SLC6A9: variants seen among roughly 807,000 people sequenced by gnomAD.
The protein encoded by SLC6A9 is solute carrier family 6 member 9.
A neutral mutation model predicts 70.9 loss-of-function variants in SLC6A9; 31 were observed. The ratio of observed to expected loss-of-function variants is 0.44; its 90% CI spans 0.33 to 0.59. The LOEUF (loss-of-function observed/expected upper bound fraction) is 0.59. Ranked by LOEUF, SLC6A9 falls within the 20% of genes least tolerant of loss-of-function variation. The probability of loss-of-function intolerance (pLI) is 0.04; values close to 1 mark genes in which losing one functional copy is unlikely to be tolerated. For missense variants in SLC6A9, 631 were observed against 845.2 expected (o/e 0.75, Z 3.14); for synonymous variants, 310 against 341.3 (o/e 0.91, Z 1.01).
At chr1:44,001,950 T>C (rs1283057380) in intron 8 of SLC6A9, among the ~76,000 whole-genome samples, 3 of 152,162 alleles carry the variant, frequency 2.0e-5, no homozygotes, top group Admixed American at 1.3e-4. Context: ...TGCCCAGGCT[T>C]GTCTTGAATT....
At position 44,008,426 on chromosome 1, in the gene SLC6A9, C is replaced by T. The variant is rs142642003; in HGVS notation, c.517G>A (p.Ala173Thr). ...SNLTNGSRPA[A>T]LPSNLSHLLN... ...AGGTGGGAGAGGTTGCTGGGCAAGG[C>T]GGCTGGCCGAGAGCCATTGGTGAGG... Residue 173 changes from alanine (A) to threonine (T), a missense_variant, in exon 5 of 14, where the codon GCC becomes ACC. By Grantham distance (58) the Ala-to-Thr change is moderately conservative. Coordinates refer to ENST00000372310, the MANE Select transcript of SLC6A9 (RefSeq NM_001024845.3). 500 of 1,614,074 alleles carry T rather than the reference C, an allele frequency of 3.1e-4. 1 individual carries two copies. In the African/African-American group the frequency reaches 3.8e-3, roughly 12 times the overall value.
chr1:44,030,098 C>T (rs1448819460), intron 1 of SLC6A9, among the ~76,000 whole-genome samples: 1 of 152,058 alleles, frequency 6.6e-6, no homozygotes, highest in Non-Finnish European at 1.5e-5. Flanking sequence ...AAAGGGGGTG[C>T]GGCTCCTTTA....
At chr1:44,025,571 A>G (rs2086967691) in intron 1 of SLC6A9, among the ~76,000 whole-genome samples, 1 of 151,864 alleles carries the variant, frequency 6.6e-6, no homozygotes, top group Admixed American at 6.6e-5. Flanking sequence ...AGGCCAAGGC[A>G]GGTGGATTAC....
intron 4 of SLC6A9, 96 bp downstream of exon 4, chr1:44,009,869 G>C: frequency 1.4e-6 from 2 of 1,433,120 alleles, no homozygotes; most frequent in Non-Finnish European, 1.9e-6. Context: ...CTCTACAGAG[G>C]TCAGCCATGT....
chr1:44,024,255 C>T lies in SLC6A9; in HGVS notation c.23G>A (p.Gly8Glu), dbSNP rs1557696136. 1 of 1,614,266 alleles carries T rather than the reference C, an allele frequency of 6.2e-7. No homozygotes were observed. Among genetic ancestry groups the T allele is most frequent in the Non-Finnish European group, 8.5e-7 (1 of 1,180,038 alleles). ...TCTGGCCTCTGTACTCACCAGCATC[C>T]CTTTGGCACCTTTTCCTACCATGGC... MVGKGAK[G>E]MLNGAVPSEA... Residue 8 changes from glycine to glutamate, a missense_variant, in exon 2 of 14, where the codon GGG becomes GAG. Physicochemically the swap from Gly to Glu is moderately conservative, Grantham distance 98. Coordinates refer to ENST00000372310, the MANE Select transcript of SLC6A9 (RefSeq NM_001024845.3).
chr1:44,011,201 C>T (rs2086554441), intron 2 of SLC6A9, among the ~76,000 whole-genome samples: 1 of 152,182 alleles, frequency 6.6e-6, no homozygotes, highest in African/African-American at 2.4e-5. Context: ...CCAAGCCCCT[C>T]CAAAACCTCC....
chr1:44,012,152 T>A (rs1346754301), intron 2 of SLC6A9, among the ~76,000 whole-genome samples: 1 of 152,220 alleles, frequency 6.6e-6, no homozygotes, highest in African/African-American at 2.4e-5. Flanking sequence ...CACCCTCCGC[T>A]TGAAAGAGAC....
Position 44,002,028 on chromosome 1 carries a change from C to T in SLC6A9, c.962+285G>A, listed in dbSNP as rs1462071053. On this transcript the variant is annotated intron_variant, in intron 8 of 13. Coordinates refer to ENST00000372310, the MANE Select transcript of SLC6A9 (RefSeq NM_001024845.3). This position sits in a 1 kb window ranked among gnomAD's most constrained non-coding sequence, Gnocchi z 5.5. ...TGGGATTACGGCGTGAAGCACTGAG[C>T]CTGGCCCCCAACTCCTTTTCTGGTC... Among the ~76,000 whole-genome samples, 1 of 152,096 alleles carries T rather than the reference C, an allele frequency of 6.6e-6. No individual in the cohort carries two copies. The highest frequency in any genetic ancestry group is 2.4e-5 in the African/African-American group (1 of 41,398).
intron 12 of SLC6A9, among the ~76,000 whole-genome samples, chr1:43,999,517 G>C (rs1420323651): frequency 6.6e-6 from 1 of 152,064 alleles, no homozygotes; most frequent in African/African-American, 2.4e-5. Flanking sequence ...GAGCCGCAGA[G>C]GCTGAGCTCC....
intron 1 of SLC6A9, among the ~76,000 whole-genome samples, chr1:44,027,148 T>A (rs776739446): frequency 3.9e-5 from 6 of 152,144 alleles, no homozygotes; most frequent in Non-Finnish European, 5.9e-5. Context: ...GCCCCACACA[T>A]GCCCCTGAAG....
Position 44,027,084 on chromosome 1 carries a change from C to G in SLC6A9, c.-85-2722G>C, listed in dbSNP as rs527506789. 5.3e-5 allele frequency among the ~76,000 whole-genome samples: 8 copies of G among 152,292 alleles called. 1 individual carries two copies. The South Asian group carries it at 1.7e-3, about 32-fold the overall frequency. ...CATCCGTCCATTCAGAAAACACCAA[C>G]TGATTGCCCGTGGCGTCCAGTCTCT... On this transcript the variant is annotated intron_variant, in intron 1 of 13. Transcript: ENST00000372310.
chr1:44,024,375 C>T lies in SLC6A9; in HGVS notation c.-85-13G>A. On this transcript the variant is annotated splice_polypyrimidine_tract_variant and intron_variant, in intron 1 of 13. Coordinates refer to ENST00000372310, the MANE Select transcript of SLC6A9 (RefSeq NM_001024845.3). The stretch of plus-strand genomic sequence containing the variant: ...CAGATCTCAAGAGCTGTGGAGAGAG[C>T]AGAGGGTGAGGTGAGGACTTGGCCG... The T allele has an allele frequency of 6.7e-7, 1 of 1,486,034 alleles. No individual in the cohort carries two copies. The highest frequency in any genetic ancestry group is 9.4e-7 in the Non-Finnish European group (1 of 1,064,372). The allele number at this position is 1,486,034 out of a possible 1,614,324, so 92.1% of individuals were successfully genotyped here. A position where few individuals can be genotyped will look rare whatever the true frequency, so the allele number is the denominator to read the frequency against.
intron 2 of SLC6A9, among the ~76,000 whole-genome samples, chr1:44,011,386 C>A (rs2086563000): frequency 6.6e-6 from 1 of 151,990 alleles, no homozygotes; most frequent in East Asian, 2.0e-4. Context: ...GAGGTTAGAC[C>A]CCTCCCCCAG....
intron 1 of SLC6A9, among the ~76,000 whole-genome samples, chr1:44,028,149 T>TGAGGAAGAGAA (rs953895367): frequency 6.6e-6 from 1 of 151,952 alleles, no homozygotes; most frequent in African/African-American, 2.4e-5. Context: ...GTGGCAATAA[T>TGAGGAAGAGAA]GAGGAAGAGA....
At chr1:44,029,459 C>A (rs1291231321) in intron 1 of SLC6A9, among the ~76,000 whole-genome samples, 1 of 152,212 alleles carries the variant, frequency 6.6e-6, no homozygotes, top group Non-Finnish European at 1.5e-5. Context: ...TGCTTCATGC[C>A]TTTGCCCCGG....
intron 1 of SLC6A9, among the ~76,000 whole-genome samples, chr1:44,030,966 C>T (rs1198338404): frequency 6.6e-6 from 1 of 151,536 alleles, no homozygotes; most frequent in Admixed American, 6.5e-5. Flanking sequence ...GCGCCCGCCG[C>T]CCCCGATCGA....
chr1:44,010,601 AAGG>A, intron 3 of SLC6A9, 122 bp downstream of exon 3: 1 of 936,392 alleles, frequency 1.1e-6, no homozygotes. Context: ...GATGGGGGCG[AAGG>A]AGGCCAGGGC....
chr1:44,028,465 G>T (rs2087023466), intron 1 of SLC6A9, among the ~76,000 whole-genome samples: 1 of 152,164 alleles, frequency 6.6e-6, no homozygotes, highest in Admixed American at 6.5e-5. Flanking sequence ...TTAGAAATGG[G>T]CCAGGCCAGG....
At chr1:44,005,218 C>A (rs2086266098) in intron 5 of SLC6A9, among the ~76,000 whole-genome samples, 1 of 152,126 alleles carries the variant, frequency 6.6e-6, no homozygotes, top group African/African-American at 2.4e-5. Flanking sequence ...CCCACAGGGA[C>A]CGCAGAGGTG....
Sources: allele counts gnomAD v4.1 joint callset (sites outside exome capture counted in the v4.1 genomes callset), GRCh38; gene constraint gnomAD v4.1.1; non-coding constraint Gnocchi (gnomAD v3.1); transcripts MANE v1.5; gene names NCBI Gene and HGNC (gene_info 2026-07-23, HGNC 2026-07-21).